The following PRELID2 variants were observed in gnomAD, a reference collection of about 807,000 sequenced individuals.
PRELID2 encodes PRELI domain-containing protein 2.
PRELID2 carries 25 observed loss-of-function variants against 28.4 expected under a neutral mutation model. The ratio of observed to expected loss-of-function variants is 0.88; its 90% CI spans 0.64 to 1.23. PRELID2 has a LOEUF of 1.23. Ranked by LOEUF, PRELID2 falls within the 50% of genes most tolerant of loss-of-function variation. The probability of loss-of-function intolerance (pLI) is 0.00; values close to 1 mark genes in which losing one functional copy is unlikely to be tolerated. For missense variants in PRELID2, 201 were observed against 214.4 expected (o/e 0.94, Z 0.39); for synonymous variants, 76 against 71.6 (o/e 1.06, Z -0.31).
chr5:145,299,744 C>T, the PRELID2 span, among the ~76,000 whole-genome samples: 2 of 151,096 alleles, frequency 1.3e-5, no homozygotes, highest in African/African-American at 4.9e-5. Flanking sequence ...TTATCAATAG[C>T]CAGATCAATA....
At chr5:145,737,209 C>G (rs1434983312) in intron 1 of PRELID2, among the ~76,000 whole-genome samples, 1 of 151,974 alleles carries the variant, frequency 6.6e-6, no homozygotes, top group Non-Finnish European at 1.5e-5. Flanking sequence ...GAGACAGGCT[C>G]TGAACAGTTA....
the PRELID2 span, among the ~76,000 whole-genome samples, chr5:145,295,397 T>A: frequency 3.3e-5 from 5 of 152,142 alleles, no homozygotes; most frequent in African/African-American, 1.2e-4. Context: ...TTTCTAGTAT[T>A]TCCCAAACAT....
At chr5:145,675,593 G>A (rs1754798209) in intron 1 of PRELID2, among the ~76,000 whole-genome samples, 1 of 152,176 alleles carries the variant, frequency 6.6e-6, no homozygotes, top group African/African-American at 2.4e-5. Flanking sequence ...ATTTATTACA[G>A]TAAAAGTCTG....
intron 1 of PRELID2, among the ~76,000 whole-genome samples, chr5:145,511,465 C>T (rs1020841638): frequency 1.3e-5 from 2 of 152,180 alleles, no homozygotes; most frequent in Admixed American, 6.5e-5. Flanking sequence ...AATGTATTCA[C>T]CAGGAAAGCA....
At chr5:145,741,262 ATATATT>A (rs1208316799) in intron 1 of PRELID2, among the ~76,000 whole-genome samples, 1 of 113,672 alleles carries the variant, frequency 8.8e-6, no homozygotes, top group East Asian at 2.8e-4. Context: ...TATAAATAAT[ATATATT>A]TATATTTTAT....
intron 1 of PRELID2, among the ~76,000 whole-genome samples, chr5:145,691,623 C>T (rs892604767): frequency 7.9e-5 from 12 of 152,050 alleles, no homozygotes; most frequent in African/African-American, 2.4e-4. Flanking sequence ...GAGGCTGAGG[C>T]AGGAGAATTG....
the PRELID2 span, among the ~76,000 whole-genome samples, chr5:145,412,153 T>G: frequency 1.3e-5 from 2 of 152,170 alleles, no homozygotes; most frequent in African/African-American, 2.4e-5. Flanking sequence ...TGATTAATAT[T>G]TGGTTCCTCA....
chr5:145,404,210 G>A, the PRELID2 span, among the ~76,000 whole-genome samples: 2 of 152,192 alleles, frequency 1.3e-5, no homozygotes, highest in Non-Finnish European at 2.9e-5. Context: ...ACACGGAACA[G>A]TGAAAATGTA....
At chr5:145,341,460 A>G in the PRELID2 span, among the ~76,000 whole-genome samples, 4 of 152,118 alleles carry the variant, frequency 2.6e-5, no homozygotes, top group Non-Finnish European at 5.9e-5. Flanking sequence ...GAATCGCTTG[A>G]ACCTGGGAGG....
chr5:145,802,064 G>C (rs1753176082), intron 4 of PRELID2, among the ~76,000 whole-genome samples: 1 of 152,194 alleles, frequency 6.6e-6, no homozygotes. Context: ...TTAAGGCAGG[G>C]TGAATAATGC....
chr5:145,237,607 T>C, the PRELID2 span, among the ~76,000 whole-genome samples: 265 of 152,206 alleles, frequency 1.7e-3, 1 homozygote, highest in African/African-American at 6.2e-3. Flanking sequence ...CCCACCCTTG[T>C]AGCCTTTCAA....
intron 1 of PRELID2, among the ~76,000 whole-genome samples, chr5:145,684,655 G>A (rs1755001380): frequency 6.6e-6 from 1 of 152,210 alleles, no homozygotes; most frequent in Non-Finnish European, 1.5e-5. Flanking sequence ...AAGAGTAAGT[G>A]AAGAGCTGGG....
At chr5:145,685,733 C>T (rs1180973835) in intron 1 of PRELID2, among the ~76,000 whole-genome samples, 1 of 152,090 alleles carries the variant, frequency 6.6e-6, no homozygotes, top group Non-Finnish European at 1.5e-5. Flanking sequence ...CTGTAAAAAG[C>T]AGGAGTCCCA....
At chr5:145,620,313 A>G (rs1753756666) in intron 1 of PRELID2, among the ~76,000 whole-genome samples, 1 of 152,244 alleles carries the variant, frequency 6.6e-6, no homozygotes, top group Non-Finnish European at 1.5e-5. Flanking sequence ...GCAGCCAGAG[A>G]ATGGTAAATA....
At chr5:145,456,971 G>A in the PRELID2 span, among the ~76,000 whole-genome samples, 3 of 152,150 alleles carry the variant, frequency 2.0e-5, no homozygotes, top group South Asian at 6.2e-4. Context: ...TCTTCTAAAT[G>A]CAAGATTAAT....
chr5:145,333,058 G>A, the PRELID2 span, among the ~76,000 whole-genome samples: 1 of 152,310 alleles, frequency 6.6e-6, no homozygotes, highest in African/African-American at 2.4e-5. Flanking sequence ...TTTGCTGGAT[G>A]TCGACTCCAG....
chr5:145,521,606 A>G (rs930324807), intron 1 of PRELID2, among the ~76,000 whole-genome samples: 52 of 152,102 alleles, frequency 3.4e-4, no homozygotes, highest in Non-Finnish European at 7.4e-5. Context: ...TCTGGAATGG[A>G]TACATTCAAG....
At chr5:145,768,693 C>T (rs1215292059) in intron 5 of PRELID2, among the ~76,000 whole-genome samples, 2 of 152,172 alleles carry the variant, frequency 1.3e-5, no homozygotes, top group African/African-American at 4.8e-5. Flanking sequence ...CTTTCCCATC[C>T]ATCTAAATTA....
chr5:145,543,141 T>C (rs1752758785), intron 1 of PRELID2, among the ~76,000 whole-genome samples: 1 of 152,132 alleles, frequency 6.6e-6, no homozygotes, highest in African/African-American at 2.4e-5. Context: ...TTACAACATG[T>C]ATCCCATTTG....
Sources: gnomAD v4.1 joint callset for allele counts (sites outside exome capture counted in the v4.1 genomes callset) on GRCh38, gnomAD v4.1.1 for gene constraint, MANE v1.5 for transcripts, NCBI Gene and HGNC (gene_info 2026-07-23, HGNC 2026-07-21) for gene names.